UNC13A: variants seen among roughly 807,000 people sequenced by gnomAD.
UNC13A encodes protein unc-13 homolog A.
UNC13A carries 61 observed loss-of-function variants against 219.7 expected under a neutral mutation model. The observed-to-expected ratio is 0.28, with a 90% CI of 0.23 to 0.34. The LOEUF is 0.34. Ranked by LOEUF, UNC13A falls within the 10% of genes least tolerant of loss-of-function variation. The pLI is 1.00. For synonymous variants in UNC13A, 920 were observed against 884.6 expected, an observed-to-expected ratio of 1.04 and a Z score of -0.71; for missense variants, 1,476 against 2,270.3, an observed-to-expected ratio of 0.65 and a Z score of 7.11.
At chr19:17,639,362 T>C in intron 24 of UNC13A, 74 bp downstream of exon 24, 9 of 1,571,264 alleles carry the variant, frequency 5.7e-6, no homozygotes, top group Non-Finnish European at 7.8e-6. Flanking sequence ...CCAGGAGGAA[T>C]GTCACTTGTC....
chr19:17,687,430 A>C (rs549404044), intron 1 of UNC13A, among the ~76,000 whole-genome samples: 168 of 152,216 alleles, frequency 1.1e-3, no homozygotes, highest in African/African-American at 3.2e-3. Context: ...GAAGGCCCTG[A>C]AACGTGTTTG....
chr19:17,632,977 C>T (rs1042671474), intron 27 of UNC13A, 69 bp from the exon 28 acceptor site: 9 of 1,609,924 alleles, frequency 5.6e-6, no homozygotes, highest in Non-Finnish European at 7.6e-6. Context: ...AGAGAGGCTG[C>T]CTACTCTGGC....
intron 5 of UNC13A, among the ~76,000 whole-genome samples, chr19:17,668,773 G>A (rs917176229): frequency 6.6e-6 from 1 of 152,006 alleles, no homozygotes; most frequent in Non-Finnish European, 1.5e-5. Context: ...ATAGGCATGA[G>A]CCACCACGCC....
At position 17,601,522 on chromosome 19, in the gene UNC13A, CG is replaced by C. The variant is rs1672335514; in HGVS notation, c.*4531del. 6.6e-6 allele frequency: 1 copy of C among 152,510 alleles called. No individual in the cohort carries two copies. The highest frequency in any genetic ancestry group is 6.5e-5 in the Admixed American group (1 of 15,272). 9.4% of individuals were successfully genotyped at this position (152,510 alleles called of 1,614,324 possible). A position where few individuals can be genotyped will look rare whatever the true frequency, so the allele number is the denominator to read the frequency against. ...GGCGTCTGTGCAGACACTGGACCGA[CG>C]GGGTAGAATCAAAACAAAACAAAAA... On this transcript the variant is annotated 3_prime_UTR_variant, in exon 44 of 44. Transcript: ENST00000519716.
chr19:17,648,682 C>A lies in UNC13A; in HGVS notation c.1597-32G>T, dbSNP rs370508809. ...GGAGGGATGGGGTGCGGTTTGGGGGCGCCTAACCTGGCGCTGTCCCTGTCC... is the reference window on the plus strand; with the variant it reads ...GGAGGGATGGGGTGCGGTTTGGGGGAGCCTAACCTGGCGCTGTCCCTGTCC... On this transcript the variant is annotated intron_variant, in intron 15 of 43. Coordinates refer to ENST00000519716, the MANE Select transcript of UNC13A (RefSeq NM_001080421.3). The A allele has an allele frequency of 1.6e-5, 25 of 1,585,044 alleles. No homozygotes were observed. In the Middle Eastern group the frequency reaches 6.8e-4, roughly 43 times the overall value.
At chr19:17,612,606 G>GGGA (rs1487017114) in intron 41 of UNC13A, among the ~76,000 whole-genome samples, 1 of 152,122 alleles carries the variant, frequency 6.6e-6, no homozygotes, top group Admixed American at 6.6e-5. Context: ...CCAGCATTTT[G>GGGA]GGAGGGTGAG....
chr19:17,631,535 C>T (rs987277615), intron 28 of UNC13A, among the ~76,000 whole-genome samples: 1 of 151,856 alleles, frequency 6.6e-6, no homozygotes, highest in East Asian at 2.0e-4. Context: ...CCAGAGCTTT[C>T]GTTTCTTGTA....
At chr19:17,638,878 G>A (rs111226519) in intron 25 of UNC13A, among the ~76,000 whole-genome samples, 330 of 152,142 alleles carry the variant, frequency 2.2e-3, no homozygotes, top group African/African-American at 7.4e-3. Context: ...GCAACCAAAT[G>A]TACTGAGTGC....
intron 42 of UNC13A, among the ~76,000 whole-genome samples, chr19:17,611,501 G>A (rs2076603446): frequency 6.6e-6 from 1 of 152,154 alleles, no homozygotes. Context: ...TTTAAGCCAT[G>A]TCAAAAACAG....
At chr19:17,606,585 C>G (rs2076533668) in intron 43 of UNC13A, among the ~76,000 whole-genome samples, 1 of 152,126 alleles carries the variant, frequency 6.6e-6, no homozygotes, top group Admixed American at 6.5e-5. Flanking sequence ...CTGTTCTTCC[C>G]ATTTTTCCAC....
rs1423587843 is a variant in UNC13A, at chr19:17,640,963, C to T, written c.2637-302G>A. On this transcript the variant is annotated intron_variant, in intron 21 of 43. Transcript: ENST00000519716. ...GCGCAATCTCGGCTCACTGCAACCC[C>T]TGCCCCCCAGGTTCAAGCAATTCTC... is the stretch of plus-strand genomic sequence containing the variant. 4.6e-5 allele frequency among the ~76,000 whole-genome samples: 7 copies of T among 151,786 alleles called. No homozygotes were observed. In the South Asian group the frequency reaches 1.0e-3, roughly 23 times the overall value.
chr19:17,630,015 C>A (rs2076825576), intron 30 of UNC13A, 130 bp downstream of exon 30: 1 of 1,113,820 alleles, frequency 9.0e-7, no homozygotes. Context: ...CAAACTCCAA[C>A]TTCAATCCCA....
chr19:17,676,198 G>A, intron 1 of UNC13A, 157 bp from the exon 2 acceptor site: 3 of 815,772 alleles, frequency 3.7e-6, no homozygotes, highest in African/African-American at 1.7e-5. Context: ...AGAGACAGAT[G>A]TTAAAAAAGA....
chr19:17,663,853 T>C (rs1168610535), intron 7 of UNC13A, among the ~76,000 whole-genome samples: 1 of 151,800 alleles, frequency 6.6e-6, no homozygotes, highest in African/African-American at 2.4e-5. Flanking sequence ...TGGAGTAGAG[T>C]GGTGCAATCA....
chr19:17,662,463 A>G (rs751960957), intron 8 of UNC13A, among the ~76,000 whole-genome samples: 6 of 150,570 alleles, frequency 4.0e-5, no homozygotes, highest in Non-Finnish European at 5.9e-5. Context: ...ATTACATACT[A>G]TAATGTAATA....
intron 41 of UNC13A, among the ~76,000 whole-genome samples, chr19:17,615,050 C>CCCCACTA (rs1261605700): frequency 6.6e-6 from 1 of 152,096 alleles, no homozygotes; most frequent in African/African-American, 2.4e-5. Flanking sequence ...CTTCTTCCAA[C>CCCCACTA]CCCACTCCCC....
Position 17,606,040 on chromosome 19 carries a change from G to A in UNC13A, c.*14C>T. 2 of 1,491,034 alleles carry A rather than the reference G, an allele frequency of 1.3e-6. No individual in the cohort carries two copies. The highest frequency in any genetic ancestry group is 1.8e-6 in the Non-Finnish European group (2 of 1,126,154). 92.4% of individuals were successfully genotyped at this position (1,491,034 alleles called of 1,614,324 possible). A position where few individuals can be genotyped will look rare whatever the true frequency, so the allele number is the denominator to read the frequency against. ...CTCCGCGCAGGCGCAGTGCCGCTCG[G>A]CCGACCGCCCGCGCTAAGGCGCAGG... On this transcript the variant is annotated 3_prime_UTR_variant, in exon 44 of 44. Coordinates refer to ENST00000519716, the MANE Select transcript of UNC13A (RefSeq NM_001080421.3).
At chr19:17,628,930 CATG>C (rs2076812696) in intron 31 of UNC13A, among the ~76,000 whole-genome samples, 1 of 152,024 alleles carries the variant, frequency 6.6e-6, no homozygotes, top group African/African-American at 2.4e-5. Context: ...CCAGACAAAA[CATG>C]ATCAGACACG....
chr19:17,613,702 C>CTTTTTTTTTTTTTTTTTTTTTTTTTT (rs1157023997), intron 41 of UNC13A: 1 of 124,248 alleles, frequency 8.0e-6, no homozygotes, highest in Non-Finnish European at 1.7e-5. Context: ...TCTTAAGTTT[C>CTTTTTTTTTTTTTTTTTTTTTTTTTT]TTTTTTTTTT....
Sources: gnomAD v4.1 joint callset for allele counts (sites outside exome capture counted in the v4.1 genomes callset) on GRCh38, gnomAD v4.1.1 for gene constraint, MANE v1.5 for transcripts, NCBI Gene and HGNC (gene_info 2026-07-23, HGNC 2026-07-21) for gene names.